PPL: variants seen among roughly 807,000 people sequenced by gnomAD.
PPL encodes the protein periplakin, also known as 190 kDa paraneoplastic pemphigus antigen.
PPL carries 198 observed loss-of-function variants against 194.4 expected under a neutral mutation model. That is an observed-to-expected ratio of 1.02 (90% CI 0.91 to 1.15). The LOEUF (loss-of-function observed/expected upper bound fraction) is 1.15, where lower values mean the gene tolerates loss of function less well. Ranked by LOEUF, PPL falls within the 50% of genes most tolerant of loss-of-function variation. The probability of loss-of-function intolerance (pLI) is 0.00; values close to 1 mark genes in which losing one functional copy is unlikely to be tolerated. For synonymous variants in PPL, 1,220 were observed against 972.4 expected (o/e 1.25, Z -4.74); for missense variants, 2,885 against 2,294.8 (o/e 1.26, Z -5.25).
intron 1 of PPL, among the ~76,000 whole-genome samples, chr16:4,931,319 G>A (rs923759920): frequency 7.9e-5 from 12 of 152,218 alleles, no homozygotes; most frequent in African/African-American, 2.2e-4. Context: ...AGCTATGATC[G>A]CACCACTGCA....
chr16:4,936,246 C>A (rs904999091), intron 1 of PPL, among the ~76,000 whole-genome samples: 2 of 152,198 alleles, frequency 1.3e-5, no homozygotes, highest in Non-Finnish European at 2.9e-5. Context: ...CCTGCGAAAC[C>A]GAGCTTCGAA....
chr16:4,885,657 T>C lies in PPL; in HGVS notation c.2998A>G (p.Ile1000Val), dbSNP rs1468235506. 17 of 1,612,900 alleles carry C rather than the reference T, an allele frequency of 1.1e-5. No individual in the cohort carries two copies. The highest frequency in any genetic ancestry group is 1.4e-5 in the Non-Finnish European group (17 of 1,179,656). ...QEYVVKEVLR[I>V]EPDRAQADEV... is the part of the protein sequence containing the mutation. Reference sequence around the variant, plus strand: ...TCCGCCTGGGCCCTGTCAGGCTCGATGCGCAGGACCTCCTTGACCACGTAC... The same window carrying C: ...TCCGCCTGGGCCCTGTCAGGCTCGACGCGCAGGACCTCCTTGACCACGTAC... Residue 1000 changes from isoleucine to valine, a missense_variant, in exon 22 of 22, where the codon ATC becomes GTC. By Grantham distance (29) the Ile-to-Val change is conservative. Transcript: ENST00000345988. The surrounding 1 kb of genome is among the most constrained non-coding windows in gnomAD (Gnocchi z 6.3).
chr16:4,903,929 C>T lies in PPL; in HGVS notation c.274G>A (p.Ala92Thr), dbSNP rs2088628709. 4 of 1,614,090 alleles carry T rather than the reference C, an allele frequency of 2.5e-6. No individual in the cohort carries two copies. The highest frequency in any genetic ancestry group is 2.5e-6 in the Non-Finnish European group (3 of 1,180,038). ...LYVLEADAAI[A>T]KHMKHPQGDM... ...CCCTGTGGGTGCTTCATGTGCTTGGCAATGGCCGCATCCGCCTCTAGCACA... is the reference window on the plus strand; with the variant it reads ...CCCTGTGGGTGCTTCATGTGCTTGGTAATGGCCGCATCCGCCTCTAGCACA... The change falls in exon 3 of 22, where the codon GCC (alanine) becomes ACC (threonine). Residue 92 changes from alanine to threonine, a missense_variant. Physicochemically the swap from Ala to Thr is moderately conservative, Grantham distance 58. Coordinates refer to ENST00000345988, the MANE Select transcript of PPL (RefSeq NM_002705.5).
rs1447971749 is a variant in PPL at position 4,887,240 on chromosome 16, G to C, written c.2515-13C>G. 1 of 1,603,138 alleles carries C rather than the reference G, an allele frequency of 6.2e-7. No individual in the cohort carries two copies. The highest frequency in any genetic ancestry group is 8.5e-7 in the Non-Finnish European group (1 of 1,170,202). ...CAAGTGCTGCTTCCTGCAGAGAAGA[G>C]GATTAGGAGAGCGGTCAACAAACAG... is the stretch of plus-strand genomic sequence containing the variant. On this transcript the variant is annotated splice_polypyrimidine_tract_variant and intron_variant, in intron 20 of 21. Transcript: ENST00000345988.
chr16:4,931,859 T>A (rs1817824683), intron 1 of PPL, among the ~76,000 whole-genome samples: 1 of 152,224 alleles, frequency 6.6e-6, no homozygotes, highest in Non-Finnish European at 1.5e-5. Context: ...CATTAGCAGC[T>A]GTTCCTCCAG....
At chr16:4,935,707 T>G (rs527532088) in intron 1 of PPL, among the ~76,000 whole-genome samples, 79 of 152,282 alleles carry the variant, frequency 5.2e-4, no homozygotes, top group African/African-American at 1.9e-3. Flanking sequence ...GAATGGAGTG[T>G]CGCACTCCAG....
rs998388672 is a variant in PPL, at chr16:4,919,309, A to G, written c.63-8360T>C. ...CTTGGGAGGGCAGCCTGTGTAGGAG[A>G]AAGACTTCAGGTCTGGAGTCAGATA... On this transcript the variant is annotated intron_variant, in intron 1 of 21. Transcript: ENST00000345988. 4.6e-5 allele frequency among the ~76,000 whole-genome samples: 7 copies of G among 152,188 alleles called. No individual in the cohort carries two copies. In the East Asian group the frequency reaches 1.3e-3, roughly 29 times the overall value.
intron 6 of PPL, 36 bp downstream of exon 6, chr16:4,900,794 C>A (rs1452694548): frequency 1.9e-6 from 3 of 1,613,922 alleles, no homozygotes; most frequent in Admixed American, 1.7e-5. Context: ...ATCCTCTCCT[C>A]TCCCCATGAG....
chr16:4,889,267 T>G (rs934924142), intron 18 of PPL, among the ~76,000 whole-genome samples: 4 of 119,308 alleles, frequency 3.4e-5, no homozygotes, highest in Admixed American at 1.7e-4. Flanking sequence ...TTTTTTTTTT[T>G]TTTTTTTGAG....
intron 1 of PPL, among the ~76,000 whole-genome samples, chr16:4,922,767 C>A (rs1000981849): frequency 8.7e-6 from 1 of 114,712 alleles, no homozygotes; most frequent in Non-Finnish European, 2.0e-5. Flanking sequence ...GACCCCCGGC[C>A]GTCCACACTG....
chr16:4,895,207 A>G, intron 11 of PPL, 54 bp downstream of exon 11: 2 of 1,523,838 alleles, frequency 1.3e-6, no homozygotes, highest in Non-Finnish European at 1.8e-6. Flanking sequence ...GGATCCAACC[A>G]TGTTACCCCA....
intron 1 of PPL, among the ~76,000 whole-genome samples, chr16:4,918,065 G>A (rs933936046): frequency 6.6e-6 from 1 of 151,942 alleles, no homozygotes; most frequent in African/African-American, 2.4e-5. Context: ...GGCTGAGTCG[G>A]GCAGATCACC....
At chr16:4,928,890 A>G (rs2089192377) in intron 1 of PPL, among the ~76,000 whole-genome samples, 2 of 152,016 alleles carry the variant, frequency 1.3e-5, no homozygotes, top group South Asian at 4.2e-4. Flanking sequence ...GGGCGCCTGT[A>G]ATCCCAGCTA....
chr16:4,924,358 G>A (rs1233299499), intron 1 of PPL, among the ~76,000 whole-genome samples: 1 of 152,078 alleles, frequency 6.6e-6, no homozygotes, highest in South Asian at 2.1e-4. Context: ...CCCATGTCAC[G>A]GGGCCAGTAA....
At chr16:4,908,896 G>A (rs916764731) in intron 2 of PPL, among the ~76,000 whole-genome samples, 7 of 152,156 alleles carry the variant, frequency 4.6e-5, no homozygotes, top group Non-Finnish European at 8.8e-5. Flanking sequence ...TGTGTGTGAT[G>A]AACACATATT....
chr16:4,918,977 C>A (rs1376890018), intron 1 of PPL, among the ~76,000 whole-genome samples: 1 of 152,168 alleles, frequency 6.6e-6, no homozygotes, highest in African/African-American at 2.4e-5. Context: ...ATCAGCCCCA[C>A]TGATGGAGGC....
At chr16:4,926,317 C>T (rs1398109262) in intron 1 of PPL, among the ~76,000 whole-genome samples, 3 of 152,202 alleles carry the variant, frequency 2.0e-5, no homozygotes, top group East Asian at 1.9e-4. Context: ...TTCGACCCCA[C>T]CCCACCAACT....
chr16:4,892,028 C>A lies in PPL; in HGVS notation c.1829+7G>T, dbSNP rs1280520635. On this transcript the variant is annotated splice_region_variant and intron_variant, in intron 15 of 21. Coordinates refer to ENST00000345988, the MANE Select transcript of PPL (RefSeq NM_002705.5). ...CCCAACCTCCATGCTGCCTGTCTGC[C>A]ACCCACTTCTCCTGGGCCAAGTCCA... is the stretch of plus-strand genomic sequence containing the variant. 6.2e-7 allele frequency: 1 copy of A among 1,612,504 alleles called. No individual in the cohort carries two copies. The highest frequency in any genetic ancestry group is 2.2e-5 in the East Asian group (1 of 44,856).
At chr16:4,911,045 C>G in intron 1 of PPL, 96 bp from the exon 2 acceptor site, 1 of 992,898 alleles carries the variant, frequency 1.0e-6, no homozygotes, top group Admixed American at 2.0e-5. Flanking sequence ...CCCGGCCCCA[C>G]GCTCTGAGCA....
Sources: gnomAD v4.1 joint callset for allele counts (sites outside exome capture counted in the v4.1 genomes callset) on GRCh38, gnomAD v4.1.1 for gene constraint, Gnocchi (gnomAD v3.1) non-coding constraint, MANE v1.5 for transcripts, NCBI Gene and HGNC (gene_info 2026-07-23, HGNC 2026-07-21) for gene names.